Variants in APBA1 observed in about 807,000 individuals in gnomAD.
APBA1 encodes amyloid-beta A4 precursor protein-binding family A member 1.
In APBA1, 55 loss-of-function variants were observed where a neutral mutation model predicts 86.6. That is an observed-to-expected ratio of 0.64 (90% CI 0.51 to 0.80). The LOEUF is 0.80. Ranked by LOEUF, APBA1 falls within the 30% of genes least tolerant of loss-of-function variation. APBA1 has a pLI of 0.00. For synonymous variants in APBA1, 511 were observed against 493.9 expected, an observed-to-expected ratio of 1.03 and a Z score of -0.46; for missense variants, 1,090 against 1,183.0, an observed-to-expected ratio of 0.92 and a Z score of 1.15.
At chr9:69,646,526 C>A (rs1316497324) in intron 1 of APBA1, among the ~76,000 whole-genome samples, 1 of 152,194 alleles carries the variant, frequency 6.6e-6, no homozygotes, top group Admixed American at 6.5e-5. Context: ...CACCCTACTC[C>A]TCAACATCCA....
At chr9:69,651,044 A>G (rs1300103043) in intron 1 of APBA1, among the ~76,000 whole-genome samples, 1 of 152,242 alleles carries the variant, frequency 6.6e-6, no homozygotes, top group East Asian at 1.9e-4. Flanking sequence ...GGATAAACAA[A>G]TTGTTGTATG....
intron 11 of APBA1, among the ~76,000 whole-genome samples, chr9:69,435,050 T>C (rs958890675): frequency 6.7e-6 from 1 of 149,912 alleles, no homozygotes; most frequent in Non-Finnish European, 1.5e-5. Flanking sequence ...GCAGTGTTGG[T>C]TTTTTGTCCT....
intron 1 of APBA1, among the ~76,000 whole-genome samples, chr9:69,582,273 G>T (rs547666548): frequency 6.6e-6 from 1 of 152,258 alleles, no homozygotes; most frequent in South Asian, 2.1e-4. Context: ...TAAACAAACA[G>T]TGGGAGGCTC....
intron 3 of APBA1, chr9:69,474,271 G>T (rs1293949527): frequency 3.9e-5 from 6 of 152,218 alleles, no homozygotes; most frequent in Non-Finnish European, 8.8e-5. Context: ...AGCAGTGGCA[G>T]ATCTTGGCAG....
chr9:69,646,524 T>G (rs913361331), intron 1 of APBA1, among the ~76,000 whole-genome samples: 45 of 144,106 alleles, frequency 3.1e-4, no homozygotes, highest in African/African-American at 1.1e-3. Flanking sequence ...CCCACCCTAC[T>G]CCTCAACATC....
chr9:69,551,548 G>A (rs1206645631), intron 1 of APBA1, among the ~76,000 whole-genome samples: 2 of 102,888 alleles, frequency 1.9e-5, no homozygotes, highest in African/African-American at 2.9e-5. Context: ...GTGAGACTCC[G>A]CCTCAAAAAA....
chr9:69,456,472 A>G (rs1248548447), intron 7 of APBA1, 40 bp from the exon 8 acceptor site: 2 of 1,536,174 alleles, frequency 1.3e-6, no homozygotes, highest in African/African-American at 1.4e-5. Context: ...CCAGCTCAGC[A>G]TCTAATGACC....
At chr9:69,486,298 C>G (rs1333814752) in intron 2 of APBA1, among the ~76,000 whole-genome samples, 2 of 152,098 alleles carry the variant, frequency 1.3e-5, no homozygotes, top group Non-Finnish European at 2.9e-5. Flanking sequence ...AAAGACAGCA[C>G]TTCTCGTGGT....
chr9:69,586,272 C>A (rs551502361), intron 1 of APBA1, among the ~76,000 whole-genome samples: 1 of 152,308 alleles, frequency 6.6e-6, no homozygotes, highest in Admixed American at 6.5e-5. Context: ...TTACTGTATA[C>A]AAGCAGCTCA....
intron 10 of APBA1, among the ~76,000 whole-genome samples, chr9:69,447,317 A>C (rs1834926780): frequency 6.6e-6 from 1 of 151,960 alleles, no homozygotes; most frequent in African/African-American, 2.4e-5. Context: ...ACTCAGACCA[A>C]CTCCCCACAA....
intron 2 of APBA1, among the ~76,000 whole-genome samples, chr9:69,509,228 T>C (rs1485251608): frequency 6.6e-6 from 1 of 150,870 alleles, no homozygotes; most frequent in African/African-American, 2.4e-5. Context: ...TAAAAAATGA[T>C]AAAGGGGATA....
intron 1 of APBA1, among the ~76,000 whole-genome samples, chr9:69,549,750 G>A (rs1159796903): frequency 2.0e-5 from 3 of 152,114 alleles, no homozygotes; most frequent in African/African-American, 4.8e-5. Flanking sequence ...AAAACAAATC[G>A]TAACTTTTTC....
chr9:69,631,828 T>C (rs1823053386), intron 1 of APBA1, among the ~76,000 whole-genome samples: 1 of 152,178 alleles, frequency 6.6e-6, no homozygotes, highest in Non-Finnish European at 1.5e-5. Context: ...ATGCCGCATG[T>C]TCTCACTCAT....
At chr9:69,617,971 C>T (rs1166969046) in intron 1 of APBA1, among the ~76,000 whole-genome samples, 2 of 150,600 alleles carry the variant, frequency 1.3e-5, no homozygotes, top group Admixed American at 6.6e-5. Flanking sequence ...CACACACAGC[C>T]CTCCTAGGTA....
At chr9:69,473,468 G>A (rs1196702827) in intron 3 of APBA1, among the ~76,000 whole-genome samples, 1 of 152,166 alleles carries the variant, frequency 6.6e-6, no homozygotes, top group African/African-American at 2.4e-5. Context: ...TTAGCCTCCA[G>A]GTATATCTAA....
chr9:69,476,141 AG>A lies in APBA1; in HGVS notation c.1202del (p.Ser401PhefsTer55). ...AGGGGGAGGAGCTGCCAGGAGACGG[AG>A]ACTAGAACACAGCAAGAGGAAACAC... ...CDDQRPMDGD[S>X]PSPGSSSPLG... On this transcript the variant is annotated frameshift_variant and splice_region_variant, in exon 3 of 13. Transcript: ENST00000265381. LOFTEE classifies it high-confidence loss of function. 1 of 1,611,170 alleles carries A rather than the reference AG, an allele frequency of 6.2e-7. No individual in the cohort carries two copies. Among genetic ancestry groups the A allele is most frequent in the Non-Finnish European group, 8.5e-7 (1 of 1,177,906 alleles).
rs376367601 is a variant in APBA1, at chr9:69,431,133, C to T, written c.*194G>A. ...TCAAGGGAGTGCATACGAAACTTCC[C>T]TGGTATTGAAAAAAAAAAAAAAAAA... On this transcript the variant is annotated 3_prime_UTR_variant, in exon 13 of 13. Transcript: ENST00000265381. The T allele has an allele frequency of 5.1e-4, 240 of 471,118 alleles. 1 individual carries two copies. Among genetic ancestry groups the T allele is most frequent in the African/African-American group, 4.4e-3 (198 of 45,466 alleles). The allele number at this position is 471,118 out of a possible 1,614,324, so 29.2% of individuals were successfully genotyped here.
chr9:69,516,694 G>A lies in APBA1; in HGVS notation c.517C>T (p.Arg173Trp), dbSNP rs762119662. The A allele has an allele frequency of 1.2e-6, 2 of 1,610,440 alleles. No homozygotes were observed. Among genetic ancestry groups the A allele is most frequent in the South Asian group, 1.1e-5 (1 of 90,630 alleles). Residue 173 changes from arginine (R) to tryptophan (W), a missense_variant, in exon 2 of 13, where the codon CGG becomes TGG. By Grantham distance (101) the Arg-to-Trp change is moderately radical. This residue lies in a region of APBA1 where 678 missense variants were observed against 647.1 expected (regional missense o/e 1.05). Coordinates refer to ENST00000265381, the MANE Select transcript of APBA1 (RefSeq NM_001163.4). This position sits in a 1 kb window ranked among gnomAD's most constrained non-coding sequence, Gnocchi z 7.3. ...TCGTCCTCACCGCGGTGGAAGAGCCGGTGCGTGTAGACGTAGCCTGAGTAG... is the reference window on the plus strand; with the variant it reads ...TCGTCCTCACCGCGGTGGAAGAGCCAGTGCGTGTAGACGTAGCCTGAGTAG... ...AAYSGYVYTH[R>W]LFHRGEDEPY...
At chr9:69,434,457 C>A (rs185219644) in intron 11 of APBA1, among the ~76,000 whole-genome samples, 1 of 152,052 alleles carries the variant, frequency 6.6e-6, no homozygotes, top group East Asian at 1.9e-4. Context: ...GCCTGGGATA[C>A]CAGCACTTTG....
Sources: allele counts gnomAD v4.1 joint callset (sites outside exome capture counted in the v4.1 genomes callset), GRCh38; gene constraint gnomAD v4.1.1; regional missense constraint gnomAD v4.1.1; non-coding constraint Gnocchi (gnomAD v3.1); transcripts MANE v1.5; gene names NCBI Gene and HGNC (gene_info 2026-07-23, HGNC 2026-07-21).